Variants in LIMCH1 observed in about 807,000 individuals in gnomAD.
The protein encoded by LIMCH1 is LIM and calponin homology domains 1.
A neutral mutation model predicts 176.5 loss-of-function variants in LIMCH1; 113 were observed. That is an observed-to-expected ratio of 0.64 (90% CI 0.55 to 0.75). The LOEUF (loss-of-function observed/expected upper bound fraction) is 0.75, where lower values mean the gene tolerates loss of function less well. Ranked by LOEUF, LIMCH1 falls within the 30% of genes least tolerant of loss-of-function variation. The probability of loss-of-function intolerance (pLI) is 0.00; values close to 1 mark genes in which losing one functional copy is unlikely to be tolerated. For missense variants in LIMCH1, 1,674 were observed against 1,814.9 expected (o/e 0.92, Z 1.41); for synonymous variants, 619 against 645.9 (o/e 0.96, Z 0.63).
intron 1 of LIMCH1, among the ~76,000 whole-genome samples, chr4:41,481,796 G>A (rs760077609): frequency 1.8e-4 from 27 of 152,008 alleles, no homozygotes; most frequent in African/African-American, 2.7e-4. Flanking sequence ...GGAACAGGTC[G>A]GAGTAGGGAA....
chr4:41,389,019 A>T (rs757696833), intron 1 of LIMCH1: 2 of 152,222 alleles, frequency 1.3e-5, no homozygotes, highest in Non-Finnish European at 2.9e-5. Context: ...TAAGATATCT[A>T]TAGTACTTTT....
At chr4:41,643,673 A>T (rs1230411983) in intron 14 of LIMCH1, among the ~76,000 whole-genome samples, 1 of 152,180 alleles carries the variant, frequency 6.6e-6, no homozygotes, top group African/African-American at 2.4e-5. Flanking sequence ...TTTCCCTTGC[A>T]TTTTTCTTTT....
intron 27 of LIMCH1, 27 bp downstream of exon 27, chr4:41,684,545 T>C (rs1719003393): frequency 4.3e-6 from 7 of 1,610,236 alleles, no homozygotes; most frequent in Non-Finnish European, 5.9e-6. Context: ...CCAGTTTCAT[T>C]CAATGTTTAA....
intron 30 of LIMCH1, among the ~76,000 whole-genome samples, chr4:41,691,592 CAAAAA>C (rs796984431): frequency 3.4e-4 from 21 of 62,390 alleles, no homozygotes; most frequent in East Asian, 5.9e-4. Flanking sequence ...ACTAAAAATA[CAAAAA>C]AAAAAAAAAA....
intron 1 of LIMCH1, among the ~76,000 whole-genome samples, chr4:41,452,308 C>T (rs1156932802): frequency 6.6e-6 from 1 of 152,120 alleles, no homozygotes; most frequent in Non-Finnish European, 1.5e-5. Context: ...CTTTCATAAG[C>T]CTTCATTATA....
In LIMCH1 at chr4:41,613,539, G is replaced by A. The variant is rs887529098; in HGVS notation, c.83G>A (p.Arg28His). ...SGYIDCWDSE[R>H]SDSLSPPRHG... is the part of the protein sequence containing the mutation. ...TACATCGACTGCTGGGATTCCGAGC[G>A]CAGCGACTCCCTCTCTCCTCCTCGC... Residue 28 changes from arginine (R) to histidine (H), a missense_variant, in exon 5 of 32, where the codon CGC becomes CAC. Transcript: ENST00000503057. 5.6e-6 allele frequency: 9 copies of A among 1,613,888 alleles called. No homozygotes were observed. The highest frequency in any genetic ancestry group is 4.5e-5 in the East Asian group (2 of 44,874).
At chr4:41,575,338 A>G (rs988175825) in intron 1 of LIMCH1, among the ~76,000 whole-genome samples, 15 of 152,246 alleles carry the variant, frequency 9.9e-5, no homozygotes, top group African/African-American at 3.4e-4. Flanking sequence ...GCAATCATTC[A>G]GTAAATATTT....
intron 20 of LIMCH1, among the ~76,000 whole-genome samples, chr4:41,665,133 G>A (rs2094778285): frequency 6.6e-6 from 1 of 152,136 alleles, no homozygotes; most frequent in South Asian, 2.1e-4. Context: ...AAGGGCGAAT[G>A]GTGGCCACTG....
chr4:41,677,412 A>G (rs903681308), intron 23 of LIMCH1, among the ~76,000 whole-genome samples: 2 of 152,168 alleles, frequency 1.3e-5, no homozygotes, highest in African/African-American at 4.8e-5. Context: ...CCATCTCAAA[A>G]AAAAGAAAAA....
At chr4:41,685,668 AT>A in intron 27 of LIMCH1, 41 bp from the exon 28 acceptor site, 1 of 1,609,832 alleles carries the variant, frequency 6.2e-7, no homozygotes, top group Non-Finnish European at 8.5e-7. Context: ...TAGTAAGGTG[AT>A]TTTACTGTGC....
rs867616003 is a variant in LIMCH1, at chr4:41,655,371, G to A, written c.3036+4763G>A. 3.3e-5 allele frequency among the ~76,000 whole-genome samples: 5 copies of A among 152,256 alleles called. 1 individual carries two copies. In the Middle Eastern group the frequency reaches 0.014, roughly 414 times the overall value. ...TGTCAGGGTGACTCAGAGACCACAG[G>A]TGCCACTCAGCTATCTTTAATATTG... is the stretch of plus-strand genomic sequence containing the variant. On this transcript the variant is annotated intron_variant, in intron 18 of 31. Transcript: ENST00000503057.
chr4:41,596,741 T>C (rs971410550), intron 1 of LIMCH1, among the ~76,000 whole-genome samples: 6 of 152,132 alleles, frequency 3.9e-5, no homozygotes, highest in Admixed American at 1.3e-4. Flanking sequence ...ACTCTTACAT[T>C]TGATAATTTA....
At chr4:41,684,670 AC>A in intron 27 of LIMCH1, 152 bp downstream of exon 27, 1 of 786,300 alleles carries the variant, frequency 1.3e-6, no homozygotes, top group South Asian at 3.2e-5. Context: ...ATAAACTTCT[AC>A]CATCGTGTGC....
exon 2 of LIMCH1, chr4:41,494,569 T>A: frequency 6.2e-7 from 1 of 1,613,372 alleles, no homozygotes; most frequent in Non-Finnish European, 8.5e-7. Context: ...TGATAAAGAT[T>A]TTCGGACAGG....
chr4:41,393,739 A>G (rs917483514), intron 1 of LIMCH1, among the ~76,000 whole-genome samples: 1 of 152,240 alleles, frequency 6.6e-6, no homozygotes, highest in African/African-American at 2.4e-5. Context: ...AACCTATAAA[A>G]ATGTATCCCT....
intron 1 of LIMCH1, among the ~76,000 whole-genome samples, chr4:41,453,250 T>C (rs557408004): frequency 7.9e-5 from 12 of 152,306 alleles, no homozygotes; most frequent in African/African-American, 2.4e-4. Flanking sequence ...CACACACATA[T>C]ACAGTTGGCC....
chr4:41,597,011 G>A (rs888560390), intron 1 of LIMCH1, among the ~76,000 whole-genome samples: 3 of 151,922 alleles, frequency 2.0e-5, no homozygotes, highest in South Asian at 2.1e-4. Flanking sequence ...CCTTCACACC[G>A]TCTACCTCCC....
At position 41,680,982 on chromosome 4, in the gene LIMCH1, G is replaced by A; in HGVS notation, c.3640G>A (p.Val1214Ile). The A allele has an allele frequency of 6.2e-7, 1 of 1,609,136 alleles. No homozygotes were observed. The highest frequency in any genetic ancestry group is 2.2e-5 in the East Asian group (1 of 44,838). The change falls in exon 25 of 32, where the codon GTT becomes ATT. Residue 1214 changes from valine to isoleucine, a missense_variant. Physicochemically the swap from Val to Ile is conservative, Grantham distance 29 (BLOSUM62 3). This residue lies in a region of LIMCH1 where 1,015 missense variants were observed against 1,102.5 expected (regional missense o/e 0.92). Coordinates refer to ENST00000503057, the MANE Select transcript of LIMCH1 (RefSeq NM_001330672.2). The part of the protein sequence containing the change: ...EERKIIEDTV[V>I]PFTVSSSSAD... ...GCGTAAGATAATTGAAGACACTGTG[G>A]TTCCATTTACTGTTTCTTCAAGTTC...
At chr4:41,669,197 G>T (rs951075787) in intron 21 of LIMCH1, among the ~76,000 whole-genome samples, 4 of 152,104 alleles carry the variant, frequency 2.6e-5, no homozygotes, top group African/African-American at 9.7e-5. Context: ...ATCAGCACCT[G>T]TAAACTAGAA....
Sources: gnomAD v4.1 joint callset for allele counts (sites outside exome capture counted in the v4.1 genomes callset) on GRCh38, gnomAD v4.1.1 for gene constraint, gnomAD v4.1.1 regional missense constraint, MANE v1.5 for transcripts, NCBI Gene and HGNC (gene_info 2026-07-23, HGNC 2026-07-21) for gene names.